The following CHN2 variants were observed in gnomAD, a reference collection of about 807,000 sequenced individuals.
CHN2 encodes the protein chimerin 2.
A neutral mutation model predicts 56.3 loss-of-function variants in CHN2; 35 were observed. The ratio of observed to expected loss-of-function variants is 0.62; its 90% confidence interval spans 0.47 to 0.82. The LOEUF (loss-of-function observed/expected upper bound fraction) is 0.82, where lower values mean the gene tolerates loss of function less well. Ranked by LOEUF, CHN2 falls within the 40% of genes least tolerant of loss-of-function variation. CHN2 has a pLI of 0.00. For missense variants in CHN2, 491 were observed against 580.5 expected (o/e 0.85, Z 1.58); for synonymous variants, 210 against 212.8 (o/e 0.99, Z 0.12).
rs150777621 is a variant in CHN2 at position 29,342,220 on chromosome 7, A to G, written c.50-12405A>G. Among the ~76,000 whole-genome samples the G allele has an allele frequency of 9.8e-4, 149 of 152,278 alleles. 1 individual carries two copies. The highest frequency in any genetic ancestry group is 1.5e-3 in the Non-Finnish European group (105 of 68,026). On this transcript the variant is annotated intron_variant, in intron 1 of 12. Transcript: ENST00000222792. ...GATGAGGGGATGGCTGGATGGCTGG[A>G]TGGTTAGATGGATGGATGAACAGAT...
intron 7 of CHN2, among the ~76,000 whole-genome samples, chr7:29,494,610 G>A (rs1789039014): frequency 6.6e-6 from 1 of 151,938 alleles, no homozygotes; most frequent in East Asian, 1.9e-4. Flanking sequence ...AGAAATTTTT[G>A]GCATCATTTT....
chr7:29,508,051 A>C (rs369119934), intron 11 of CHN2, among the ~76,000 whole-genome samples: 6 of 152,322 alleles, frequency 3.9e-5, no homozygotes, highest in South Asian at 2.1e-4. Context: ...ACACTGTGTC[A>C]AGCAGTATAC....
chr7:29,319,621 A>G (rs948385785), intron 1 of CHN2, among the ~76,000 whole-genome samples: 1 of 152,210 alleles, frequency 6.6e-6, no homozygotes, highest in Admixed American at 6.5e-5. Flanking sequence ...TCTTTTGATA[A>G]AAGATAACAC....
At chr7:29,495,858 G>A (rs1025906839) in intron 7 of CHN2, 94 bp from the exon 8 acceptor site, 10 of 959,862 alleles carry the variant, frequency 1.0e-5, no homozygotes, top group African/African-American at 1.6e-5. Context: ...CCCAGTGGGG[G>A]ATCGCTCCTG....
intron 3 of CHN2, 41 bp downstream of exon 3, chr7:29,368,028 A>G: frequency 1.3e-6 from 2 of 1,544,646 alleles, no homozygotes; most frequent in South Asian, 2.4e-5. Context: ...GTTAAATATG[A>G]TGAATTGTCA....
intron 3 of CHN2, among the ~76,000 whole-genome samples, chr7:29,387,125 T>G (rs927572778): frequency 6.6e-6 from 1 of 152,180 alleles, no homozygotes; most frequent in African/African-American, 2.4e-5. Flanking sequence ...GTTTAGAGAC[T>G]TAAATGAGAC....
At chr7:29,386,999 A>G (rs1305173142) in intron 3 of CHN2, among the ~76,000 whole-genome samples, 1 of 152,234 alleles carries the variant, frequency 6.6e-6, no homozygotes, top group African/African-American at 2.4e-5. Context: ...AGAAGGAGTG[A>G]AGCACAGTAC....
chr7:29,427,693 T>C (rs1282839643), intron 6 of CHN2, among the ~76,000 whole-genome samples: 2 of 146,300 alleles, frequency 1.4e-5, no homozygotes, highest in Non-Finnish European at 3.0e-5. Context: ...AGTCTCACTC[T>C]GTTGCCAGGC....
chr7:29,354,160 T>C (rs1055193577), intron 1 of CHN2, among the ~76,000 whole-genome samples: 2 of 152,104 alleles, frequency 1.3e-5, no homozygotes, highest in African/African-American at 4.8e-5. Flanking sequence ...ATTTTAGGAG[T>C]TCAGTTGGTT....
intron 10 of CHN2, among the ~76,000 whole-genome samples, chr7:29,505,201 T>C (rs528067019): frequency 3.3e-5 from 5 of 152,286 alleles, no homozygotes; most frequent in Admixed American, 2.0e-4. Context: ...TTTTGTTCTT[T>C]ATAACTGTGG....
At chr7:29,277,718 T>A (rs1241267407) in intron 1 of CHN2, among the ~76,000 whole-genome samples, 1 of 152,206 alleles carries the variant, frequency 6.6e-6, no homozygotes, top group Non-Finnish European at 1.5e-5. Context: ...CAGCAGCGTC[T>A]TCAAGGCAGT....
chr7:29,302,276 C>CTCCTCTTCTTCT (rs934127449), intron 1 of CHN2, among the ~76,000 whole-genome samples: 1 of 151,458 alleles, frequency 6.6e-6, no homozygotes, highest in African/African-American at 2.4e-5. Flanking sequence ...CCTCTTCTTC[C>CTCCTCTTCTTCT]TCCTCTTCTT....
At chr7:29,248,637 A>C (rs1788258253) in intron 1 of CHN2, among the ~76,000 whole-genome samples, 2 of 152,144 alleles carry the variant, frequency 1.3e-5, no homozygotes, top group Non-Finnish European at 2.9e-5. Context: ...TGGCATTTCA[A>C]GGCCTCAGTC....
intron 2 of CHN2, among the ~76,000 whole-genome samples, chr7:29,157,068 G>A (rs1794478120): frequency 6.6e-6 from 1 of 152,136 alleles, no homozygotes; most frequent in Non-Finnish European, 1.5e-5. Flanking sequence ...CCTCCTAGCT[G>A]CACCGACAAA....
At chr7:29,453,290 C>A (rs1479612242) in intron 6 of CHN2, among the ~76,000 whole-genome samples, 1 of 152,216 alleles carries the variant, frequency 6.6e-6, no homozygotes, top group Non-Finnish European at 1.5e-5. Context: ...ATACCCTCCC[C>A]AGTCCCACTC....
At chr7:29,195,662 G>A (rs778486773) in intron 1 of CHN2, among the ~76,000 whole-genome samples, 13 of 151,940 alleles carry the variant, frequency 8.6e-5, no homozygotes, top group Admixed American at 1.3e-4. Flanking sequence ...GAGAGAGAGA[G>A]AGAGAGACTC....
intron 1 of CHN2, among the ~76,000 whole-genome samples, chr7:29,269,850 G>A (rs886309880): frequency 2.0e-5 from 3 of 152,180 alleles, no homozygotes; most frequent in Non-Finnish European, 4.4e-5. Context: ...GTTAATGACC[G>A]TGAAACCTTC....
chr7:29,199,210 C>A (rs1436549457), intron 1 of CHN2, among the ~76,000 whole-genome samples: 1 of 152,086 alleles, frequency 6.6e-6, no homozygotes, highest in Non-Finnish European at 1.5e-5. Context: ...AAACCAGTAA[C>A]GTAGATAAGT....
chr7:29,190,794 A>G (rs562856352), upstream of CHN2, among the ~76,000 whole-genome samples: 90 of 152,220 alleles, frequency 5.9e-4, 1 homozygote, highest in Non-Finnish European at 1.0e-3. Context: ...CTGGCATACA[A>G]GAGAACCATT....
Sources: allele counts gnomAD v4.1 joint callset (sites outside exome capture counted in the v4.1 genomes callset), GRCh38; gene constraint gnomAD v4.1.1; transcripts MANE v1.5; gene names NCBI Gene and HGNC (gene_info 2026-07-23, HGNC 2026-07-21).